The following SAMD12 variants were observed in gnomAD, a reference collection of about 807,000 sequenced individuals.
SAMD12 encodes the protein sterile alpha motif domain-containing protein 12.
In SAMD12, 9 loss-of-function variants were observed where a neutral mutation model predicts 15.0. That is an observed-to-expected ratio of 0.60 (90% confidence interval 0.36 to 1.05). The LOEUF (loss-of-function observed/expected upper bound fraction) is 1.05, where lower values mean the gene tolerates loss of function less well. SAMD12 is among the 50% of genes least tolerant of loss of function. The pLI, the probability that SAMD12 is intolerant of heterozygous loss-of-function variation, is 0.01. For missense variants in SAMD12, 230 were observed against 234.2 expected, an observed-to-expected ratio of 0.98 and a Z score of 0.12; for synonymous variants, 86 against 90.1, an observed-to-expected ratio of 0.96 and a Z score of 0.25.
intron 1 of SAMD12, among the ~76,000 whole-genome samples, chr8:118,593,328 A>G (rs1827634456): frequency 6.6e-6 from 1 of 152,110 alleles, no homozygotes; most frequent in African/African-American, 2.4e-5. Context: ...CGAGTTGCTA[A>G]AGACTCCTTA....
chr8:118,344,665 C>T (rs1226398299), intron 4 of SAMD12, among the ~76,000 whole-genome samples: 1 of 152,166 alleles, frequency 6.6e-6, no homozygotes, highest in Non-Finnish European at 1.5e-5. Context: ...TAGGATAACA[C>T]ACCATGTCAT....
At chr8:118,591,263 A>G (rs1263909896) in intron 1 of SAMD12, among the ~76,000 whole-genome samples, 2 of 152,176 alleles carry the variant, frequency 1.3e-5, no homozygotes, top group Non-Finnish European at 2.9e-5. Flanking sequence ...TTTGATTTAC[A>G]TGTTTTCATT....
chr8:118,465,501 T>C (rs1156647026), intron 2 of SAMD12, among the ~76,000 whole-genome samples: 1 of 152,178 alleles, frequency 6.6e-6, no homozygotes, highest in Non-Finnish European at 1.5e-5. Flanking sequence ...TTCTTGTTAT[T>C]CTCAAACAGT....
At chr8:118,346,993 T>C (rs941269980) in intron 4 of SAMD12, among the ~76,000 whole-genome samples, 8 of 152,154 alleles carry the variant, frequency 5.3e-5, no homozygotes, top group Non-Finnish European at 7.3e-5. Context: ...AGCCCCGAAT[T>C]CCCGGACTCA....
At chr8:118,303,400 A>AC (rs879335294) in intron 4 of SAMD12, among the ~76,000 whole-genome samples, 95 of 152,344 alleles carry the variant, frequency 6.2e-4, no homozygotes, top group Admixed American at 1.4e-3. Context: ...ACAGTTCTGG[A>AC]ATGGAATCCT....
chr8:118,422,215 T>G (rs1479479002), intron 3 of SAMD12, among the ~76,000 whole-genome samples: 1 of 152,236 alleles, frequency 6.6e-6, no homozygotes, highest in African/African-American at 2.4e-5. Flanking sequence ...TGCCAGGCAC[T>G]GGGTTAACAC....
At chr8:118,619,633 A>C (rs934526446) in intron 1 of SAMD12, among the ~76,000 whole-genome samples, 12 of 152,174 alleles carry the variant, frequency 7.9e-5, no homozygotes, top group African/African-American at 2.9e-4. Context: ...AGCATTGAGT[A>C]CCTATTATGG....
intron 4 of SAMD12, among the ~76,000 whole-genome samples, chr8:118,284,036 C>T (rs1296226744): frequency 6.6e-6 from 1 of 152,174 alleles, no homozygotes; most frequent in Non-Finnish European, 1.5e-5. Flanking sequence ...GACTCTGAGT[C>T]ATAGCTTTCA....
chr8:118,337,122 G>T (rs945654156), intron 4 of SAMD12, among the ~76,000 whole-genome samples: 2 of 151,134 alleles, frequency 1.3e-5, no homozygotes, highest in African/African-American at 4.9e-5. Flanking sequence ...TAACAAACCT[G>T]CATGTTGTGC....
chr8:118,149,473 T>C, the SAMD12 span, among the ~76,000 whole-genome samples: 7 of 152,374 alleles, frequency 4.6e-5, no homozygotes, highest in South Asian at 1.4e-3. Context: ...TTGTTTATTT[T>C]CTTACAAATG....
intron 4 of SAMD12, among the ~76,000 whole-genome samples, chr8:118,234,844 A>G (rs1332784259): frequency 2.0e-5 from 3 of 152,126 alleles, no homozygotes; most frequent in Non-Finnish European, 4.4e-5. Flanking sequence ...TATAAAATGA[A>G]ACATTAAAAA....
chr8:118,156,568 A>G, the SAMD12 span, among the ~76,000 whole-genome samples: 10 of 152,330 alleles, frequency 6.6e-5, no homozygotes, highest in Non-Finnish European at 1.5e-4. Context: ...ACTGGCTGAA[A>G]TACTAGTATA....
intron 4 of SAMD12, among the ~76,000 whole-genome samples, chr8:118,236,948 C>A (rs1392828594): frequency 6.6e-6 from 1 of 152,090 alleles, no homozygotes; most frequent in Non-Finnish European, 1.5e-5. Flanking sequence ...ATAGTTTGTG[C>A]TTTGGCACAA....
chr8:118,523,126 A>G (rs1825437142), intron 2 of SAMD12, among the ~76,000 whole-genome samples: 1 of 152,212 alleles, frequency 6.6e-6, no homozygotes, highest in South Asian at 2.1e-4. Context: ...GTGGCACAAC[A>G]TGTGTGCACT....
chr8:118,173,144 G>T, the SAMD12 span, among the ~76,000 whole-genome samples: 1 of 152,170 alleles, frequency 6.6e-6, no homozygotes, highest in Non-Finnish European at 1.5e-5. Context: ...TTGACACATG[G>T]TTTAGAATGC....
chr8:118,467,494 G>C (rs888554477), intron 2 of SAMD12, among the ~76,000 whole-genome samples: 1 of 152,140 alleles, frequency 6.6e-6, no homozygotes, highest in Admixed American at 6.5e-5. Flanking sequence ...TAAGCCCTCT[G>C]ATCCAGATTC....
intron 1 of SAMD12, among the ~76,000 whole-genome samples, chr8:118,615,073 C>T (rs1268033568): frequency 6.6e-6 from 1 of 152,182 alleles, no homozygotes; most frequent in Non-Finnish European, 1.5e-5. Context: ...TTTTACCAGA[C>T]ATGAGTTAGG....
At chr8:118,515,041 C>G (rs1273057106) in intron 2 of SAMD12, among the ~76,000 whole-genome samples, 2 of 151,834 alleles carry the variant, frequency 1.3e-5, no homozygotes, top group Admixed American at 6.6e-5. Flanking sequence ...TGTTTTGAGA[C>G]GGAGTCTCAC....
At chr8:118,529,838 T>C (rs1369093115) in intron 2 of SAMD12, among the ~76,000 whole-genome samples, 1 of 152,242 alleles carries the variant, frequency 6.6e-6, no homozygotes, top group Non-Finnish European at 1.5e-5. Flanking sequence ...GCAATAAACA[T>C]ACGAGTGCAG....
Sources: gnomAD v4.1 joint callset for allele counts (sites outside exome capture counted in the v4.1 genomes callset) on GRCh38, gnomAD v4.1.1 for gene constraint, MANE v1.5 for transcripts, NCBI Gene and HGNC (gene_info 2026-07-23, HGNC 2026-07-21) for gene names.